POU2F2: variants seen among roughly 807,000 people sequenced by gnomAD.
POU2F2 encodes the protein POU class 2 homeobox 2, also known as POU domain, class 2, transcription factor 2.
Under a neutral mutation model 63.5 loss-of-function variants are expected in POU2F2, and 14 were observed. The observed-to-expected ratio is 0.22, with a 90% confidence interval of 0.15 to 0.34. POU2F2 has a LOEUF of 0.34. POU2F2 is among the 10% of genes least tolerant of loss of function. POU2F2 has a pLI of 1.00. For synonymous variants in POU2F2, 306 were observed against 348.6 expected, an observed-to-expected ratio of 0.88 and a Z score of 1.36; for missense variants, 607 against 815.2, an observed-to-expected ratio of 0.74 and a Z score of 3.11.
In POU2F2 at chr19:42,122,147, G is replaced by T; in HGVS notation, c.165C>A (p.Ser55=). The change falls in exon 4 of 15, where the codon TCC becomes TCA. Residue 55 remains serine, a synonymous_variant. Transcript: ENST00000692977. ...PQNKTSPFSV[S]PTGPSTKVGI... ...TTACCTTTGTACTGGGGCCAGTTGG[G>T]GACACGGAGAATGGGGAGGTCTTAT... 2 of 1,613,546 alleles carry T rather than the reference G, an allele frequency of 1.2e-6. No individual in the cohort carries two copies. The highest frequency in any genetic ancestry group is 2.7e-5 in the African/African-American group (2 of 75,010).
chr19:42,137,546 A>AC (rs1407106182), intron 2 of POU2F2, among the ~76,000 whole-genome samples: 1 of 151,808 alleles, frequency 6.6e-6, no homozygotes, highest in African/African-American at 2.4e-5. Context: ...ACATATCGAG[A>AC]CCCCATCTCT....
chr19:42,118,675 A>G (rs917114867), intron 4 of POU2F2, among the ~76,000 whole-genome samples: 3 of 152,258 alleles, frequency 2.0e-5, no homozygotes, highest in Non-Finnish European at 4.4e-5. Flanking sequence ...TTCCTAGGTA[A>G]AAAGCCAGAC....
At chr19:42,103,719 G>A (rs374360189) in intron 5 of POU2F2, among the ~76,000 whole-genome samples, 8 of 135,220 alleles carry the variant, frequency 5.9e-5, no homozygotes, top group East Asian at 2.4e-4. Context: ...TGCAAGCTCC[G>A]CCTCCCAGGT....
chr19:42,128,836 C>A (rs1450118039), intron 1 of POU2F2, among the ~76,000 whole-genome samples: 1 of 151,376 alleles, frequency 6.6e-6, no homozygotes, highest in African/African-American at 2.4e-5. Flanking sequence ...CCAGGTGATT[C>A]TCTTTTTTTT....
intron 1 of POU2F2, among the ~76,000 whole-genome samples, chr19:42,170,965 G>C (rs887125698): frequency 5.9e-5 from 9 of 152,242 alleles, no homozygotes; most frequent in African/African-American, 1.9e-4. Flanking sequence ...GCCATCAGCG[G>C]CCTCGGCCAT....
intron 11 of POU2F2, 80 bp from the exon 12 acceptor site, chr19:42,093,975 T>C: frequency 8.0e-7 from 1 of 1,251,886 alleles, no homozygotes; most frequent in South Asian, 1.3e-5. Context: ...ACCCCACTCC[T>C]CCGTCCCAGG....
chr19:42,131,428 T>C (rs2033718960), intron 1 of POU2F2, among the ~76,000 whole-genome samples: 1 of 152,104 alleles, frequency 6.6e-6, no homozygotes, highest in Non-Finnish European at 1.5e-5. Context: ...CCCATGGTCA[T>C]GCCTACACAG....
chr19:42,143,958 G>A (rs1568412157), intron 2 of POU2F2, among the ~76,000 whole-genome samples: 1 of 152,076 alleles, frequency 6.6e-6, no homozygotes, highest in Non-Finnish European at 1.5e-5. Context: ...CAAGCCTCGT[G>A]TCACGTGCTT....
chr19:42,099,883 G>T, intron 5 of POU2F2, 62 bp from the exon 6 acceptor site: 6 of 1,349,418 alleles, frequency 4.4e-6, no homozygotes, highest in Non-Finnish European at 6.2e-6. Flanking sequence ...CATCCTCTCT[G>T]CATCACCTGA....
chr19:42,178,952 C>A (rs767637877), upstream of POU2F2, among the ~76,000 whole-genome samples: 21 of 151,960 alleles, frequency 1.4e-4, no homozygotes, highest in Non-Finnish European at 2.9e-4. Context: ...CCTCAGGAGA[C>A]ACACAGAGAG....
intron 1 of POU2F2, among the ~76,000 whole-genome samples, chr19:42,187,230 G>A (rs1292476371): frequency 1.3e-5 from 2 of 152,034 alleles, no homozygotes; most frequent in East Asian, 1.9e-4. Context: ...TTGGGAGGCC[G>A]AGGCGGGCGG....
At chr19:42,166,651 T>C (rs2034657049) in intron 1 of POU2F2, among the ~76,000 whole-genome samples, 1 of 151,970 alleles carries the variant, frequency 6.6e-6, no homozygotes, top group Non-Finnish European at 1.5e-5. Flanking sequence ...TGAGCAGATC[T>C]GACAATGGGA....
Position 42,091,475 on chromosome 19 carries a change from A to G in POU2F2, c.1657T>C (p.Leu553=). The G allele has an allele frequency of 6.4e-7, 1 of 1,550,706 alleles. No homozygotes were observed. Among genetic ancestry groups the G allele is most frequent in the South Asian group, 1.2e-5 (1 of 84,018 alleles). The change falls in exon 15 of 15, where the codon TTG becomes CTG. Residue 553 remains leucine (L), a synonymous_variant. Coordinates refer to ENST00000692977, the MANE Select transcript of POU2F2 (RefSeq NM_001394376.1). ...SPGLVTSPLF[L]NHAGLPLLST... ...AGCAGGGGCAGCCCAGCATGATTCA[A>G]GAAGAGCGGCGAGGTCACCAGGCCA...
rs1259568356 is a variant in POU2F2, at chr19:42,122,558, G to T, written c.47C>A (p.Pro16His). ...MGAPEIRMSK[P>H]LEAEKQGLDS... ...CAGACCTTGCTTCTCGGCCTCCAGG[G>T]GCTTAGACATTCTTATTTCTGGGGA... The change falls in exon 2 of 15, where the codon CCC (proline) becomes CAC (histidine). Residue 16 changes from proline (P) to histidine (H), a missense_variant. By Grantham distance (77) the Pro-to-His change is moderately conservative. Transcript: ENST00000692977. 6.3e-7 allele frequency: 1 copy of T among 1,593,758 alleles called. No individual in the cohort carries two copies. The highest frequency in any genetic ancestry group is 8.5e-7 in the Non-Finnish European group (1 of 1,170,704).
chr19:42,097,599 C>G (rs755775635), intron 7 of POU2F2, among the ~76,000 whole-genome samples: 1 of 151,512 alleles, frequency 6.6e-6, no homozygotes, highest in Non-Finnish European at 1.5e-5. Flanking sequence ...CGCTTGAGCA[C>G]AGGAATTTGA....
intron 1 of POU2F2, among the ~76,000 whole-genome samples, chr19:42,172,021 A>G (rs966790566): frequency 1.3e-5 from 2 of 152,186 alleles, no homozygotes; most frequent in African/African-American, 4.8e-5. Flanking sequence ...AACTTCTCAG[A>G]GCAGCAGCTG....
chr19:42,132,575 C>T (rs2033846746), upstream of POU2F2: 3 of 534,538 alleles, frequency 5.6e-6, no homozygotes, highest in South Asian at 3.9e-5. Context: ...CCCGGCAGCC[C>T]GGCCCACCCC....
chr19:42,183,467 GA>G (rs2034984231), intron 1 of POU2F2, among the ~76,000 whole-genome samples: 1 of 152,210 alleles, frequency 6.6e-6, no homozygotes, highest in Non-Finnish European at 1.5e-5. Context: ...GCGCCGGAGG[GA>G]ACTTTTTAGG....
chr19:42,110,919 C>T (rs949871833), intron 5 of POU2F2, among the ~76,000 whole-genome samples: 3 of 152,168 alleles, frequency 2.0e-5, no homozygotes, highest in Non-Finnish European at 4.4e-5. Flanking sequence ...TCTACTTTTT[C>T]ACTGGGTTGT....
Sources: allele counts gnomAD v4.1 joint callset (sites outside exome capture counted in the v4.1 genomes callset), GRCh38; gene constraint gnomAD v4.1.1; transcripts MANE v1.5; gene names NCBI Gene and HGNC (gene_info 2026-07-23, HGNC 2026-07-21).